Variants in SPG11 observed in about 807,000 individuals in gnomAD.
SPG11 encodes spatacsin.
Under a neutral mutation model 274.0 loss-of-function variants are expected in SPG11, and 222 were observed. The observed-to-expected ratio is 0.81, with a 90% CI of 0.73 to 0.91. The LOEUF (loss-of-function observed/expected upper bound fraction) is 0.91. SPG11 is among the 40% of genes least tolerant of loss of function. The pLI, the probability that SPG11 is intolerant of heterozygous loss-of-function variation, is 0.00. For missense variants in SPG11, 3,114 were observed against 2,872.7 expected (o/e 1.08, Z -1.92); for synonymous variants, 1,144 against 1,039.7 (o/e 1.10, Z -1.93).
At chr15:44,626,088 T>C (rs1251567290) in intron 11 of SPG11, among the ~76,000 whole-genome samples, 2 of 152,054 alleles carry the variant, frequency 1.3e-5, no homozygotes, top group Non-Finnish European at 2.9e-5. Flanking sequence ...ATGTTGCCCA[T>C]GCTGGTATTG....
At chr15:44,598,986 G>A (rs1330319572) in intron 21 of SPG11, 150 bp from the exon 22 acceptor site, 21 of 783,570 alleles carry the variant, frequency 2.7e-5, no homozygotes, top group Middle Eastern at 3.5e-4. Flanking sequence ...GCACATACCC[G>A]TTTAGGTTCC....
chr15:44,568,120 A>C (rs1182481196), intron 35 of SPG11, among the ~76,000 whole-genome samples: 2 of 152,230 alleles, frequency 1.3e-5, no homozygotes, highest in African/African-American at 4.8e-5. Context: ...AGATGTTTTC[A>C]GGTACATGTG....
At chr15:44,607,292 AT>A (rs539932728) in intron 19 of SPG11, among the ~76,000 whole-genome samples, 18 of 152,046 alleles carry the variant, frequency 1.2e-4, no homozygotes, top group Non-Finnish European at 2.4e-4. Context: ...TAGAGTTATT[AT>A]TTTTTTGAGA....
chr15:44,645,693 C>G (rs556022608), intron 7 of SPG11, among the ~76,000 whole-genome samples: 2 of 152,188 alleles, frequency 1.3e-5, no homozygotes, highest in Middle Eastern at 3.4e-3. Flanking sequence ...CAGAATAAGA[C>G]AAAATATTTG....
chr15:44,624,519 CTG>C (rs2083843925), intron 11 of SPG11, among the ~76,000 whole-genome samples: 1 of 152,044 alleles, frequency 6.6e-6, no homozygotes, highest in Admixed American at 6.6e-5. Flanking sequence ...TTACCAAGGA[CTG>C]TGGGGTAGGG....
chr15:44,588,727 C>G (rs1201845276), intron 28 of SPG11: 2 of 371,286 alleles, frequency 5.4e-6, no homozygotes, highest in African/African-American at 4.2e-5. Flanking sequence ...CTAAGACCAA[C>G]CTTTGATCAA....
chr15:44,614,835 C>T (rs1292752183), intron 16 of SPG11, among the ~76,000 whole-genome samples: 1 of 152,166 alleles, frequency 6.6e-6, no homozygotes, highest in Non-Finnish European at 1.5e-5. Flanking sequence ...TTATTACTGA[C>T]CCAATAGCAA....
chr15:44,579,104 G>A (rs1289728581), intron 30 of SPG11, among the ~76,000 whole-genome samples: 5 of 152,030 alleles, frequency 3.3e-5, no homozygotes, highest in South Asian at 2.1e-4. Flanking sequence ...GTTGCAGTGA[G>A]CTGAGATTGC....
intron 7 of SPG11, among the ~76,000 whole-genome samples, chr15:44,645,447 T>A (rs2084577961): frequency 1.3e-5 from 2 of 152,118 alleles, no homozygotes; most frequent in South Asian, 2.1e-4. Flanking sequence ...CCCTTTCTTA[T>A]ACCACATACA....
chr15:44,563,645 T>C (rs1166512673), intron 39 of SPG11, among the ~76,000 whole-genome samples: 2 of 152,006 alleles, frequency 1.3e-5, no homozygotes, highest in South Asian at 2.1e-4. Flanking sequence ...CCCTTTTTTT[T>C]CTCTCTTAAA....
chr15:44,615,486 T>G lies in SPG11; in HGVS notation c.2915A>C (p.Gln972Pro), dbSNP rs201282600. ...LRLSRIGGVI[Q>P]DTLPVQNYKT... Reference sequence around the variant, plus strand: ...GTAGTTTTGAACAGGGAGGGTATCCTGTATTACACCTCCAATACGGCTCAG... The same window carrying G: ...GTAGTTTTGAACAGGGAGGGTATCCGGTATTACACCTCCAATACGGCTCAG... Residue 972 changes from glutamine to proline, a missense_variant, in exon 16 of 40, where the codon CAG becomes CCG. Gln to Pro is a moderately conservative substitution (Grantham distance 76, BLOSUM62 -1). Transcript: ENST00000261866. 7.4e-6 allele frequency: 12 copies of G among 1,614,078 alleles called. No homozygotes were observed. The East Asian group carries it at 2.7e-4, about 36-fold the overall frequency.
At chr15:44,603,383 C>T (rs1033933216) in intron 20 of SPG11, among the ~76,000 whole-genome samples, 1 of 152,196 alleles carries the variant, frequency 6.6e-6, no homozygotes, top group Non-Finnish European at 1.5e-5. Context: ...TGAGCCACTG[C>T]ACCTGGCCTC....
chr15:44,659,305 T>A lies in SPG11; in HGVS notation c.443-2A>T, dbSNP rs2085034633. 1.2e-6 allele frequency: 2 copies of A among 1,607,562 alleles called. No individual in the cohort carries two copies. Among genetic ancestry groups the A allele is most frequent in the Non-Finnish European group, 1.7e-6 (2 of 1,174,248 alleles). ...TTCTCAAAGACAATAAGGAAATACC[T>A]ACAAAACAAAAGGATATTATTTCAA... On this transcript the variant is annotated splice_acceptor_variant, in intron 2 of 39. Transcript: ENST00000261866. LOFTEE classifies it high-confidence loss of function.
At position 44,565,841 on chromosome 15, in the gene SPG11, C is replaced by T. The variant is rs948770162; in HGVS notation, c.6999+13G>A. On this transcript the variant is annotated intron_variant, in intron 38 of 39. Transcript: ENST00000261866. ...TGCTAGCAGTGCTGGCTACAGTTTGCTTTCTTGCTCACCTGGTAGAACCGA... is the reference window on the plus strand; with the variant it reads ...TGCTAGCAGTGCTGGCTACAGTTTGTTTTCTTGCTCACCTGGTAGAACCGA... The T allele has an allele frequency of 4.3e-6, 7 of 1,613,954 alleles. No individual in the cohort carries two copies. The highest frequency in any genetic ancestry group is 1.1e-5 in the South Asian group (1 of 91,022).
chr15:44,645,456 C>T (rs1567186299), intron 7 of SPG11, among the ~76,000 whole-genome samples: 1 of 152,074 alleles, frequency 6.6e-6, no homozygotes, highest in South Asian at 2.1e-4. Flanking sequence ...ATACCACATA[C>T]AAAAATCAAC....
At chr15:44,597,906 C>T (rs76346035) in intron 23 of SPG11, among the ~76,000 whole-genome samples, 1,912 of 152,310 alleles carry the variant, frequency 0.013, 51 homozygotes, top group African/African-American at 0.044. Context: ...TCATCCTCTT[C>T]TTCATTTTTT....
At chr15:44,632,579 T>C (rs2084101989) in intron 8 of SPG11, among the ~76,000 whole-genome samples, 2 of 151,546 alleles carry the variant, frequency 1.3e-5, no homozygotes, top group Non-Finnish European at 2.9e-5. Flanking sequence ...GGCACAATCA[T>C]AGATCACTGC....
chr15:44,657,888 G>A (rs1378498847), intron 3 of SPG11, among the ~76,000 whole-genome samples: 2 of 152,208 alleles, frequency 1.3e-5, no homozygotes, highest in African/African-American at 2.4e-5. Context: ...TTAGCTGGGC[G>A]TGGCGGCCCA....
intron 4 of SPG11, 96 bp from the exon 5 acceptor site, chr15:44,652,362 A>T: frequency 7.6e-7 from 1 of 1,310,684 alleles, no homozygotes; most frequent in Non-Finnish European, 1.1e-6. Context: ...GATTACAGAG[A>T]AGGAATAGTA....
Sources: allele counts gnomAD v4.1 joint callset (sites outside exome capture counted in the v4.1 genomes callset), GRCh38; gene constraint gnomAD v4.1.1; transcripts MANE v1.5; gene names NCBI Gene and HGNC (gene_info 2026-07-23, HGNC 2026-07-21).